Variants in PIBF1 observed in about 807,000 individuals in gnomAD.
PIBF1 encodes the protein progesterone-induced-blocking factor 1.
A neutral mutation model predicts 112.5 loss-of-function variants in PIBF1; 90 were observed. The ratio of observed to expected loss-of-function variants is 0.80; its 90% CI spans 0.67 to 0.95. PIBF1 has a LOEUF of 0.95. Ranked by LOEUF, PIBF1 falls within the 40% of genes least tolerant of loss-of-function variation. The pLI is 0.00. For missense variants in PIBF1, 915 were observed against 852.3 expected, an observed-to-expected ratio of 1.07 and a Z score of -0.92; for synonymous variants, 301 against 288.6, an observed-to-expected ratio of 1.04 and a Z score of -0.44.
chr13:72,784,275 TAAAAAAAA>T (rs5804646), intron 2 of PIBF1, among the ~76,000 whole-genome samples: 1 of 123,988 alleles, frequency 8.1e-6, no homozygotes, highest in Admixed American at 8.3e-5. Flanking sequence ...CAGCTCTACT[TAAAAAAAA>T]AAAAAAAAAA....
intron 10 of PIBF1, among the ~76,000 whole-genome samples, chr13:72,862,378 A>G (rs1377031716): frequency 6.6e-6 from 1 of 152,226 alleles, no homozygotes; most frequent in Non-Finnish European, 1.5e-5. Flanking sequence ...CTGAGGCAAG[A>G]GAATCGCTAA....
rs772512625 is a variant in PIBF1, at chr13:72,908,565, C to T, written c.1523C>T (p.Ser508Phe). 7 of 1,612,672 alleles carry T rather than the reference C, an allele frequency of 4.3e-6. No homozygotes were observed. The highest frequency in any genetic ancestry group is 5.1e-6 in the Non-Finnish European group (6 of 1,179,140). Residue 508 changes from serine to phenylalanine, a missense_variant, in exon 12 of 18, where the codon TCT becomes TTT. Transcript: ENST00000326291. Reference sequence around the variant, plus strand: ...AAAGAATTTTATAGTCTCCAAGCCTCTTCTGAAAAACGCATTACTGAACTT... The same window carrying T: ...AAAGAATTTTATAGTCTCCAAGCCTTTTCTGAAAAACGCATTACTGAACTT... ...LTKEFYSLQA[S>F]SEKRITELQA...
At chr13:73,015,318 T>C (rs2044352941) in intron 17 of PIBF1, among the ~76,000 whole-genome samples, 1 of 152,218 alleles carries the variant, frequency 6.6e-6, no homozygotes, top group African/African-American at 2.4e-5. Context: ...CTGGAATCAG[T>C]GAAGTTCTGA....
chr13:72,982,498 A>G (rs992842687), intron 16 of PIBF1, among the ~76,000 whole-genome samples: 46 of 152,158 alleles, frequency 3.0e-4, no homozygotes, highest in African/African-American at 1.0e-3. Flanking sequence ...CCCTACCTCA[A>G]CAAAGAAAAA....
intron 8 of PIBF1, among the ~76,000 whole-genome samples, chr13:72,834,169 A>G (rs2037247162): frequency 6.6e-6 from 1 of 152,210 alleles, no homozygotes; most frequent in African/African-American, 2.4e-5. Flanking sequence ...GAAATGTAAA[A>G]GAATTATGAG....
Position 72,908,620 on chromosome 13 carries a change from G to T in PIBF1, c.1578G>T (p.Arg526Ser), listed in dbSNP as rs767010108. Residue 526 changes from arginine (R) to serine (S), a missense_variant, in exon 12 of 18, where the codon AGG becomes AGT. By Grantham distance (110) the Arg-to-Ser change is moderately radical. Transcript: ENST00000326291. ...LQAQNSEHQARLDIYEKLEKE... is the reference protein window; with the variant it reads ...LQAQNSEHQASLDIYEKLEKE... ...CACAGAACTCAGAGCATCAAGCAAG[G>T]CTAGACATTTATGAGAAACTGGAAA... 6.2e-7 allele frequency: 1 copy of T among 1,613,142 alleles called. No homozygotes were observed. The highest frequency in any genetic ancestry group is 8.5e-7 in the Non-Finnish European group (1 of 1,179,394).
intron 5 of PIBF1, among the ~76,000 whole-genome samples, chr13:72,800,958 G>A (rs2035441227): frequency 6.6e-6 from 1 of 152,072 alleles, no homozygotes; most frequent in Non-Finnish European, 1.5e-5. Flanking sequence ...GGAAGTGAGA[G>A]AGAGAACAAG....
chr13:72,933,018 G>A (rs879887392), intron 14 of PIBF1, among the ~76,000 whole-genome samples: 26 of 152,070 alleles, frequency 1.7e-4, no homozygotes, highest in Admixed American at 5.9e-4. Context: ...ACAAGTCTTT[G>A]TATGAAATAA....
At chr13:72,860,178 A>G (rs2038627030) in intron 10 of PIBF1, among the ~76,000 whole-genome samples, 2 of 152,166 alleles carry the variant, frequency 1.3e-5, no homozygotes, top group Admixed American at 1.3e-4. Flanking sequence ...TTTCATCCTG[A>G]TGTGACAACC....
At chr13:72,832,150 C>T (rs1307939581) in intron 8 of PIBF1, among the ~76,000 whole-genome samples, 1 of 121,774 alleles carries the variant, frequency 8.2e-6, no homozygotes, top group Non-Finnish European at 1.6e-5. Flanking sequence ...TATTTTGAGC[C>T]TATATGTGTC....
intron 8 of PIBF1, among the ~76,000 whole-genome samples, chr13:72,833,701 G>A (rs933925913): frequency 2.6e-5 from 4 of 152,290 alleles, no homozygotes; most frequent in Non-Finnish European, 1.5e-5. Context: ...ACTGGGAGGT[G>A]TCTCCCAGTC....
At chr13:72,887,856 A>C (rs1362983300) in intron 10 of PIBF1, among the ~76,000 whole-genome samples, 1 of 152,110 alleles carries the variant, frequency 6.6e-6, no homozygotes, top group Non-Finnish European at 1.5e-5. Context: ...TTCACGTCTA[A>C]ATATGTATAT....
At chr13:72,811,430 T>A (rs759352706) in intron 5 of PIBF1, among the ~76,000 whole-genome samples, 11 of 151,946 alleles carry the variant, frequency 7.2e-5, no homozygotes, top group Admixed American at 2.0e-4. Flanking sequence ...ACCCCATCTC[T>A]ACTAAAAATA....
rs921816495 is a variant in PIBF1, at chr13:72,842,296, T to C, written c.1223+6928T>C. Among the ~76,000 whole-genome samples, 4 of 152,178 alleles carry C rather than the reference T, an allele frequency of 2.6e-5. No homozygotes were observed. In the East Asian group the frequency reaches 7.7e-4, roughly 29 times the overall value. ...CTGAGTGGTGCTCTACAAAAGATAATAGAGGTATTCATGATGCTCTTGATG... is the reference window on the plus strand; with the variant it reads ...CTGAGTGGTGCTCTACAAAAGATAACAGAGGTATTCATGATGCTCTTGATG... On this transcript the variant is annotated intron_variant, in intron 9 of 17. Transcript: ENST00000326291.
chr13:72,969,555 T>TG (rs2042836547), intron 15 of PIBF1: 1 of 152,224 alleles, frequency 6.6e-6, no homozygotes, highest in African/African-American at 2.4e-5. Context: ...AGGTGTACCC[T>TG]GGTGACATGA....
At chr13:72,989,494 A>G (rs192182250) in intron 16 of PIBF1, among the ~76,000 whole-genome samples, 238 of 152,330 alleles carry the variant, frequency 1.6e-3, no homozygotes, top group Non-Finnish European at 2.3e-3. Flanking sequence ...AGCAGACGGT[A>G]TATGATTCCA....
chr13:72,933,619 G>A (rs12429511), intron 14 of PIBF1, among the ~76,000 whole-genome samples: 30,755 of 152,214 alleles, frequency 0.2, 3,220 homozygotes, highest in East Asian at 0.26. Flanking sequence ...CTGAGATCGT[G>A]CCATCGTACT....
intron 10 of PIBF1, among the ~76,000 whole-genome samples, chr13:72,888,802 A>C (rs1313962900): frequency 6.6e-6 from 1 of 151,578 alleles, no homozygotes; most frequent in Admixed American, 6.6e-5. Context: ...ATATCAATTC[A>C]TATGTGATAT....
At chr13:72,960,928 A>G (rs1408768890) in intron 14 of PIBF1, among the ~76,000 whole-genome samples, 1 of 152,178 alleles carries the variant, frequency 6.6e-6, no homozygotes, top group African/African-American at 2.4e-5. Context: ...AACCCAAACT[A>G]TAGAAGCTAT....
Sources: allele counts gnomAD v4.1 joint callset (sites outside exome capture counted in the v4.1 genomes callset), GRCh38; gene constraint gnomAD v4.1.1; transcripts MANE v1.5; gene names NCBI Gene and HGNC (gene_info 2026-07-23, HGNC 2026-07-21).